NCEH1: variants seen among roughly 807,000 people sequenced by gnomAD.
The protein encoded by NCEH1 is 2-acetyl MAGE hydrolase.
NCEH1 carries 9 observed loss-of-function variants against 25.4 expected under a neutral mutation model. The observed-to-expected ratio is 0.35, with a 90% confidence interval of 0.21 to 0.62. The LOEUF (loss-of-function observed/expected upper bound fraction) is 0.62. NCEH1 is among the 20% of genes least tolerant of loss of function. The pLI is 0.72. For missense variants in NCEH1, 412 were observed against 501.1 expected (o/e 0.82, Z 1.70); for synonymous variants, 200 against 199.8 (o/e 1.00, Z -0.01).
intron 1 of NCEH1, among the ~76,000 whole-genome samples, chr3:172,655,758 G>T (rs894572005): frequency 1.3e-5 from 2 of 152,208 alleles, no homozygotes; most frequent in African/African-American, 4.8e-5. Context: ...TTTCTGGGAG[G>T]ATTTAGGCCA....
At chr3:172,653,437 G>A (rs181132541) in intron 1 of NCEH1, among the ~76,000 whole-genome samples, 22 of 152,334 alleles carry the variant, frequency 1.4e-4, no homozygotes, top group Middle Eastern at 3.4e-3. Context: ...AGAGAACTTT[G>A]TAGGGGAGAA....
Position 172,633,606 on chromosome 3 carries a change from C to T in NCEH1, c.1096G>A (p.Val366Met). The part of the protein sequence containing the change: ...MYAKRLESAG[V>M]EVTLDHFEDG... ...TCAAAGTGATCCAGGGTCACCTCCACACCGGCACTCTCCAAACGCTTGGCA... is the reference window on the plus strand; with the variant it reads ...TCAAAGTGATCCAGGGTCACCTCCATACCGGCACTCTCCAAACGCTTGGCA... The change falls in exon 5 of 5, where the codon GTG becomes ATG. Residue 366 changes from valine to methionine, a missense_variant. This residue lies in a region of NCEH1 where 210 missense variants were observed against 258.2 expected (regional missense o/e 0.81). Coordinates refer to ENST00000475381, the MANE Select transcript of NCEH1 (RefSeq NM_020792.6). 6.2e-7 allele frequency: 1 copy of T among 1,614,222 alleles called. No individual in the cohort carries two copies.
At chr3:172,681,757 A>AT (rs60779456) in intron 1 of NCEH1, among the ~76,000 whole-genome samples, 4 of 150,976 alleles carry the variant, frequency 2.6e-5, no homozygotes, top group African/African-American at 9.7e-5. Context: ...AAAAAAAAAA[A>AT]TTAGCCAGGC....
intron 3 of NCEH1, among the ~76,000 whole-genome samples, chr3:172,644,036 G>A (rs1357572371): frequency 6.6e-6 from 1 of 152,210 alleles, no homozygotes; most frequent in Non-Finnish European, 1.5e-5. Context: ...CAGGTGCGGT[G>A]GCTGCTTCCT....
intron 1 of NCEH1, among the ~76,000 whole-genome samples, chr3:172,689,229 C>T (rs1284924984): frequency 6.7e-6 from 1 of 149,440 alleles, no homozygotes; most frequent in Non-Finnish European, 1.5e-5. Flanking sequence ...TCACATGTAC[C>T]TCATGAAATG....
At chr3:172,656,599 T>C (rs112971787) in intron 1 of NCEH1, among the ~76,000 whole-genome samples, 21 of 152,154 alleles carry the variant, frequency 1.4e-4, no homozygotes, top group African/African-American at 4.3e-4. Context: ...ACCCTGTCTG[T>C]ACTAAAAAAT....
chr3:172,643,040 G>T (rs937428231), intron 3 of NCEH1, among the ~76,000 whole-genome samples: 30 of 152,166 alleles, frequency 2.0e-4, no homozygotes, highest in Non-Finnish European at 3.7e-4. Context: ...CCGGGTTCAA[G>T]TGATTCTCCT....
At chr3:172,634,218 A>ATT in intron 4 of NCEH1, 126 bp from the exon 5 acceptor site, 2 of 876,978 alleles carry the variant, frequency 2.3e-6, no homozygotes, top group Non-Finnish European at 3.5e-6. Flanking sequence ...CATTTCTACC[A>ATT]GGCACTGTAT....
intron 1 of NCEH1, among the ~76,000 whole-genome samples, chr3:172,649,257 C>CAT (rs766022766): frequency 2.6e-5 from 4 of 151,858 alleles, no homozygotes; most frequent in East Asian, 1.9e-4. Flanking sequence ...TACACACACA[C>CAT]ATATATATAT....
At chr3:172,652,009 G>A (rs1485220713) in intron 1 of NCEH1, among the ~76,000 whole-genome samples, 1 of 152,204 alleles carries the variant, frequency 6.6e-6, no homozygotes, top group Non-Finnish European at 1.5e-5. Context: ...ATAAATATCT[G>A]GGAGCCAATG....
chr3:172,634,721 A>G (rs947583203), intron 4 of NCEH1, among the ~76,000 whole-genome samples: 1 of 152,138 alleles, frequency 6.6e-6, no homozygotes, highest in African/African-American at 2.4e-5. Flanking sequence ...ACACCTCCCC[A>G]CAGTGTTAAC....
intron 1 of NCEH1, among the ~76,000 whole-genome samples, chr3:172,691,958 AAAAAAAAAAAG>A (rs1460023369): frequency 0.012 from 274 of 23,488 alleles, 1 homozygote; most frequent in African/African-American, 0.059. Context: ...AAAAAAAAAA[AAAAAAAAAAAG>A]AAAGAAAGAA....
chr3:172,694,282 C>T (rs1713233956), intron 1 of NCEH1, among the ~76,000 whole-genome samples: 2 of 152,106 alleles, frequency 1.3e-5, no homozygotes, highest in South Asian at 4.1e-4. Flanking sequence ...ACAGAAAAGG[C>T]TACTAAGCCT....
intron 1 of NCEH1, among the ~76,000 whole-genome samples, chr3:172,706,394 C>G (rs2090129490): frequency 6.6e-6 from 1 of 151,846 alleles, no homozygotes; most frequent in South Asian, 2.1e-4. Flanking sequence ...TGGTACAAAT[C>G]TTTTGCAAGT....
At chr3:172,705,085 T>C (rs146434165) in intron 1 of NCEH1, among the ~76,000 whole-genome samples, 18 of 152,316 alleles carry the variant, frequency 1.2e-4, no homozygotes, top group Admixed American at 1.2e-3. Context: ...CTAAAATATA[T>C]ATTGATATGC....
intron 1 of NCEH1, among the ~76,000 whole-genome samples, chr3:172,698,372 T>A (rs1713494101): frequency 6.6e-6 from 1 of 152,194 alleles, no homozygotes; most frequent in Non-Finnish European, 1.5e-5. Context: ...AAGAACTGTG[T>A]TCAGTGAAAT....
At chr3:172,656,086 TAAGG>T (rs1717677659) in intron 1 of NCEH1, among the ~76,000 whole-genome samples, 1 of 152,154 alleles carries the variant, frequency 6.6e-6, no homozygotes, top group South Asian at 2.1e-4. Context: ...GTGAACCTAT[TAAGG>T]ACAGTTTCAT....
intron 1 of NCEH1, among the ~76,000 whole-genome samples, chr3:172,673,483 C>T (rs1043490160): frequency 1.3e-5 from 2 of 152,238 alleles, no homozygotes; most frequent in Non-Finnish European, 2.9e-5. Flanking sequence ...AGGTGGCTAA[C>T]ATTTATACTG....
intron 1 of NCEH1, among the ~76,000 whole-genome samples, chr3:172,668,945 C>T (rs1466884115): frequency 6.6e-6 from 1 of 152,118 alleles, no homozygotes; most frequent in African/African-American, 2.4e-5. Flanking sequence ...ATAGCGACTC[C>T]TGTACTAGCC....
Sources: allele counts gnomAD v4.1 joint callset (sites outside exome capture counted in the v4.1 genomes callset), GRCh38; gene constraint gnomAD v4.1.1; regional missense constraint gnomAD v4.1.1; transcripts MANE v1.5; gene names NCBI Gene and HGNC (gene_info 2026-07-23, HGNC 2026-07-21).